WDR49: variants seen among roughly 807,000 people sequenced by gnomAD.
WDR49 encodes WD repeat domain 49.
WDR49 carries 107 observed loss-of-function variants against 119.5 expected under a neutral mutation model. The ratio of observed to expected loss-of-function variants is 0.90; its 90% CI spans 0.77 to 1.05. The LOEUF (loss-of-function observed/expected upper bound fraction) is 1.05, where lower values mean the gene tolerates loss of function less well. WDR49 is among the 50% of genes least tolerant of loss of function. The pLI is 0.00. For missense variants in WDR49, 1,240 were observed against 1,220.5 expected (o/e 1.02, Z -0.24); for synonymous variants, 425 against 418.8 (o/e 1.01, Z -0.18).
At chr3:167,499,206 ACCAGCTGTTCT>A (rs1013182154) in intron 18 of WDR49, among the ~76,000 whole-genome samples, 1 of 152,230 alleles carries the variant, frequency 6.6e-6, no homozygotes, top group Non-Finnish European at 1.5e-5. Context: ...AAAAATGTTG[ACCAGCTGTTCT>A]CCCTTTCCAT....
Position 167,620,749 on chromosome 3 carries a change from A to C in WDR49, c.784-146T>G, listed in dbSNP as rs573563596. The C allele has an allele frequency of 3.0e-4, 218 of 737,132 alleles. No homozygotes were observed. In the African/African-American group the frequency reaches 3.4e-3, roughly 12 times the overall value. 45.7% of individuals were successfully genotyped at this position (737,132 alleles called of 1,614,324 possible). ...TTTAAAGGATGCAGGGTGTTATACT[A>C]AAAAACAGAACAATTATTAGTTTGG... On this transcript the variant is annotated intron_variant, in intron 4 of 18. Transcript: ENST00000682715.
At chr3:167,643,659 T>A (rs1717985695) in intron 2 of WDR49, among the ~76,000 whole-genome samples, 1 of 152,088 alleles carries the variant, frequency 6.6e-6, no homozygotes, top group South Asian at 2.1e-4. Flanking sequence ...GATGCCTTTG[T>A]TCCTAGGGAA....
chr3:167,614,539 ATTACT>A (rs1342718106), intron 5 of WDR49, among the ~76,000 whole-genome samples: 2 of 152,208 alleles, frequency 1.3e-5, no homozygotes, highest in South Asian at 2.1e-4. Context: ...AACCTCTATA[ATTACT>A]TTACAAGCAT....
chr3:167,575,440 A>C (rs1225036761), intron 8 of WDR49, among the ~76,000 whole-genome samples: 1 of 152,204 alleles, frequency 6.6e-6, no homozygotes, highest in Non-Finnish European at 1.5e-5. Flanking sequence ...ATCATGTTTA[A>C]CTGAATCATT....
At position 167,620,748 on chromosome 3, in the gene WDR49, T is replaced by C. The variant is rs910971909; in HGVS notation, c.784-145A>G. 23 of 747,278 alleles carry C rather than the reference T, an allele frequency of 3.1e-5. No homozygotes were observed. The African/African-American group carries it at 3.6e-4, about 12-fold the overall frequency. The allele number at this position is 747,278 out of a possible 1,614,324, so 46.3% of individuals were successfully genotyped here. On this transcript the variant is annotated intron_variant, in intron 4 of 18. Coordinates refer to ENST00000682715, the MANE Select transcript of WDR49 (RefSeq NM_001366157.1). ...ATTTAAAGGATGCAGGGTGTTATAC[T>C]AAAAAACAGAACAATTATTAGTTTG... is the stretch of plus-strand genomic sequence containing the variant.
chr3:167,518,587 T>C (rs1048278671), intron 16 of WDR49, among the ~76,000 whole-genome samples: 4 of 151,718 alleles, frequency 2.6e-5, no homozygotes, highest in Non-Finnish European at 5.9e-5. Context: ...GGTTGTTTGT[T>C]TTTTTCTTGT....
At chr3:167,546,901 T>C (rs1474139247) in intron 10 of WDR49, among the ~76,000 whole-genome samples, 2 of 151,854 alleles carry the variant, frequency 1.3e-5, no homozygotes, top group Non-Finnish European at 2.9e-5. Flanking sequence ...CATTGCTTTT[T>C]AGGCTTAAAA....
intron 8 of WDR49, among the ~76,000 whole-genome samples, chr3:167,569,857 A>G (rs941554998): frequency 6.6e-6 from 1 of 152,190 alleles, no homozygotes; most frequent in African/African-American, 2.4e-5. Context: ...CTGAGTAGGC[A>G]GTGGCATGAA....
At chr3:167,596,511 A>G (rs1365620659) in intron 7 of WDR49, among the ~76,000 whole-genome samples, 1 of 151,398 alleles carries the variant, frequency 6.6e-6, no homozygotes, top group Non-Finnish European at 1.5e-5. Context: ...AAAATGTGGC[A>G]TATATACACC....
At chr3:167,621,402 T>A (rs1716861501) in intron 4 of WDR49, 65 bp downstream of exon 4, 1 of 1,383,062 alleles carries the variant, frequency 7.2e-7, no homozygotes, top group African/African-American at 1.5e-5. Flanking sequence ...CATTTTAATT[T>A]CTACTTTAAA....
intron 8 of WDR49, among the ~76,000 whole-genome samples, chr3:167,570,109 CA>C (rs5854241): frequency 0.3 from 41,816 of 141,422 alleles, 5,975 homozygotes; most frequent in African/African-American, 0.33. Context: ...TTAAGCTAGC[CA>C]AAAAAAAAAA....
intron 18 of WDR49, among the ~76,000 whole-genome samples, chr3:167,498,872 G>A (rs1751457169): frequency 6.6e-6 from 1 of 152,144 alleles, no homozygotes; most frequent in African/African-American, 2.4e-5. Context: ...GAAAGGAAAA[G>A]TGGGGTAGAC....
At chr3:167,641,236 T>C (rs1479589177) in intron 2 of WDR49, among the ~76,000 whole-genome samples, 1 of 151,914 alleles carries the variant, frequency 6.6e-6, no homozygotes, top group Non-Finnish European at 1.5e-5. Flanking sequence ...GTTTTTATGA[T>C]GTGTCTCTGC....
At chr3:167,571,285 T>C (rs1713923652) in intron 8 of WDR49, among the ~76,000 whole-genome samples, 1 of 152,142 alleles carries the variant, frequency 6.6e-6, no homozygotes, top group Non-Finnish European at 1.5e-5. Context: ...TCAGGAGATC[T>C]CTTGGAATAA....
intron 8 of WDR49, chr3:167,575,107 T>C (rs1560293327): frequency 1.0e-6 from 1 of 985,408 alleles, no homozygotes; most frequent in Non-Finnish European, 1.2e-6. Flanking sequence ...TACTGTTTAA[T>C]TGGCTGTAAG....
Position 167,501,928 on chromosome 3 carries a change from C to T in WDR49, c.2885-1629G>A, listed in dbSNP as rs116772308. On this transcript the variant is annotated intron_variant, in intron 17 of 18. Coordinates refer to ENST00000682715, the MANE Select transcript of WDR49 (RefSeq NM_001366157.1). The stretch of plus-strand genomic sequence containing the variant: ...TTTTAGAACTGTATCAGGTACTTCA[C>T]ACATATTTTCTGACTAATATAGTAA... Among the ~76,000 whole-genome samples, 914 of 152,242 alleles carry T rather than the reference C, an allele frequency of 6.0e-3. 5 individuals are homozygous for T. The highest frequency in any genetic ancestry group is 0.021 in the African/African-American group (885 of 41,520).
At chr3:167,523,311 A>T (rs1752520757) in intron 15 of WDR49, among the ~76,000 whole-genome samples, 1 of 152,116 alleles carries the variant, frequency 6.6e-6, no homozygotes, top group Admixed American at 6.6e-5. Flanking sequence ...AAAAATTCAG[A>T]GACTATACTG....
At chr3:167,548,789 C>A (rs187023245) in intron 10 of WDR49, among the ~76,000 whole-genome samples, 5 of 152,142 alleles carry the variant, frequency 3.3e-5, no homozygotes, top group Non-Finnish European at 7.4e-5. Context: ...GTGTGCTGCA[C>A]CCATTAACTC....
intron 7 of WDR49, among the ~76,000 whole-genome samples, chr3:167,589,254 T>C (rs976549341): frequency 1.2e-4 from 19 of 152,182 alleles, no homozygotes; most frequent in Non-Finnish European, 8.8e-5. Flanking sequence ...TGTAGATGTA[T>C]GGATTTATTT....
Sources: allele counts gnomAD v4.1 joint callset (sites outside exome capture counted in the v4.1 genomes callset), GRCh38; gene constraint gnomAD v4.1.1; transcripts MANE v1.5; gene names NCBI Gene and HGNC (gene_info 2026-07-23, HGNC 2026-07-21).